TRPC5: variants seen among roughly 807,000 people sequenced by gnomAD.
The protein encoded by TRPC5 is short transient receptor potential channel 5.
Under a neutral mutation model 56.5 loss-of-function variants are expected in TRPC5, and 9 were observed. That is an observed-to-expected ratio of 0.16 (90% confidence interval 0.10 to 0.28). TRPC5 has a LOEUF of 0.28. TRPC5 is among the 10% of genes least tolerant of loss of function. The pLI, the probability that TRPC5 is intolerant of heterozygous loss-of-function variation, is 1.00. For synonymous variants in TRPC5, 282 were observed against 278.5 expected (o/e 1.01, Z -0.13); for missense variants, 469 against 748.9 (o/e 0.63, Z 4.36).
At chrX:111,778,200 A>G (rs1239291737) in intron 10 of TRPC5, among the ~76,000 whole-genome samples, 1 of 111,495 alleles carries the variant, frequency 9.0e-6, no homozygotes, top group Non-Finnish European at 1.9e-5. Context: ...AATGTAGATG[A>G]TGGGTTGATG....
At chrX:112,059,886 A>AT (rs1569530373) in intron 1 of TRPC5, among the ~76,000 whole-genome samples, 1 of 111,997 alleles carries the variant, frequency 8.9e-6, no homozygotes, top group African/African-American at 3.2e-5. Context: ...AAGGGAAGTG[A>AT]TATTAAGGTA....
chrX:111,996,179 T>C (rs1438449202), intron 1 of TRPC5, among the ~76,000 whole-genome samples: 1 of 112,286 alleles, frequency 8.9e-6, no homozygotes, highest in Admixed American at 9.5e-5. Flanking sequence ...TTCTGGTACA[T>C]TGTGTCTTTG....
chrX:111,947,197 C>A (rs527645124), intron 2 of TRPC5, among the ~76,000 whole-genome samples: 1 of 111,611 alleles, frequency 9.0e-6, no homozygotes, highest in Admixed American at 9.5e-5. Flanking sequence ...ACTCAGACTG[C>A]TAGGGAAGCA....
At chrX:111,970,831 G>A (rs1044413787) in intron 1 of TRPC5, among the ~76,000 whole-genome samples, 45 of 103,724 alleles carry the variant, frequency 4.3e-4, no homozygotes, top group African/African-American at 1.6e-3. Flanking sequence ...GTGCAGTGGC[G>A]CGATCTCGGC....
chrX:111,829,745 C>T (rs1385763942), intron 7 of TRPC5, among the ~76,000 whole-genome samples: 1 of 112,971 alleles, frequency 8.9e-6, no homozygotes, highest in Non-Finnish European at 1.9e-5. Context: ...TGGGAACCTC[C>T]ACCTAGATTT....
chrX:112,036,802 T>C (rs1253974299), intron 1 of TRPC5, among the ~76,000 whole-genome samples: 1 of 111,519 alleles, frequency 9.0e-6, no homozygotes, highest in African/African-American at 3.3e-5. Flanking sequence ...TTTGTAAGGC[T>C]TGGCTTGAGA....
At chrX:111,897,649 G>A (rs1417407382) in intron 3 of TRPC5, among the ~76,000 whole-genome samples, 1 of 111,495 alleles carries the variant, frequency 9.0e-6, no homozygotes, top group Non-Finnish European at 1.9e-5. Context: ...AATCTTTTGT[G>A]TCTGGCTTCT....
chrX:111,898,251 T>TTATATATATA (rs58112324), intron 3 of TRPC5, among the ~76,000 whole-genome samples: 3 of 92,420 alleles, frequency 3.2e-5, no homozygotes, highest in African/African-American at 1.2e-4. Context: ...GTAGGGGTTC[T>TTATATATATA]TATATATATA....
chrX:111,812,930 A>C (rs901555376), intron 7 of TRPC5, among the ~76,000 whole-genome samples: 3 of 112,485 alleles, frequency 2.7e-5, no homozygotes, highest in African/African-American at 9.7e-5. Context: ...TTTTGTAATC[A>C]TACTTATCTA....
At chrX:111,932,798 G>A (rs998420955) in intron 2 of TRPC5, among the ~76,000 whole-genome samples, 2 of 112,006 alleles carry the variant, frequency 1.8e-5, no homozygotes, top group East Asian at 5.7e-4. Flanking sequence ...TACCGACCTA[G>A]CCCAGTGTCC....
chrX:111,927,196 C>T (rs1364160738), intron 2 of TRPC5, among the ~76,000 whole-genome samples: 1 of 112,127 alleles, frequency 8.9e-6, no homozygotes, highest in Admixed American at 9.4e-5. Flanking sequence ...GGCCTTACCC[C>T]CTTGATAACA....
At chrX:111,782,261 A>T in intron 7 of TRPC5, 123 bp from the exon 8 acceptor site, 1 of 521,699 alleles carries the variant, frequency 1.9e-6, no homozygotes, top group Non-Finnish European at 3.0e-6. Context: ...ATAAATTCAA[A>T]TTATACATAC....
chrX:111,792,571 A>G (rs961165338), intron 7 of TRPC5, among the ~76,000 whole-genome samples: 2 of 112,026 alleles, frequency 1.8e-5, no homozygotes, highest in African/African-American at 6.5e-5. Flanking sequence ...TGGGAGAGGA[A>G]TCCATGGTGT....
intron 1 of TRPC5, among the ~76,000 whole-genome samples, chrX:111,996,237 A>G (rs1928527131): frequency 9.0e-6 from 1 of 111,394 alleles, no homozygotes; most frequent in Non-Finnish European, 1.9e-5. Flanking sequence ...TCATTTCCTT[A>G]TTTACCCAGT....
chrX:111,815,810 G>A (rs999710790), intron 7 of TRPC5, among the ~76,000 whole-genome samples: 6 of 110,606 alleles, frequency 5.4e-5, no homozygotes, highest in Admixed American at 2.9e-4. Context: ...CCCTCTTTTC[G>A]CCTGTCCATG....
At chrX:111,895,964 G>A (rs1925040485) in intron 3 of TRPC5, 1 of 111,153 alleles carries the variant, frequency 9.0e-6, no homozygotes, top group African/African-American at 3.3e-5. Flanking sequence ...ACCTTTTAAG[G>A]TGGAGACCGG....
chrX:111,853,234 C>A (rs3027703), intron 4 of TRPC5, among the ~76,000 whole-genome samples: 5,261 of 111,065 alleles, frequency 0.047, 274 homozygotes, highest in African/African-American at 0.15. Context: ...GTTGAAGAGT[C>A]CAGTGCAATC....
chrX:111,936,156 G>T (rs1435726759), intron 2 of TRPC5, among the ~76,000 whole-genome samples: 4 of 111,044 alleles, frequency 3.6e-5, no homozygotes, highest in Non-Finnish European at 7.6e-5. Flanking sequence ...AGTATAAATT[G>T]TAGAAGTCTT....
intron 3 of TRPC5, among the ~76,000 whole-genome samples, chrX:111,886,099 G>A (rs1924479638): frequency 9.0e-6 from 1 of 111,501 alleles, no homozygotes; most frequent in Non-Finnish European, 1.9e-5. Flanking sequence ...GGCCAACATG[G>A]TGACACCCTG....
Sources: allele counts gnomAD v4.1 joint callset (sites outside exome capture counted in the v4.1 genomes callset), GRCh38; gene constraint gnomAD v4.1.1; transcripts MANE v1.5; gene names NCBI Gene and HGNC (gene_info 2026-07-23, HGNC 2026-07-21).